HTR2B: variants seen among roughly 807,000 people sequenced by gnomAD.
HTR2B encodes the protein 5-HT 2B receptor.
HTR2B carries 31 observed loss-of-function variants against 39.8 expected under a neutral mutation model. The ratio of observed to expected loss-of-function variants is 0.78; its 90% CI spans 0.58 to 1.05. The LOEUF is 1.05. Among genes scored for constraint, HTR2B ranks in the 50% least tolerant of loss-of-function variants. The pLI is 0.00. For missense variants in HTR2B, 562 were observed against 578.0 expected (o/e 0.97, Z 0.28); for synonymous variants, 210 against 207.1 (o/e 1.01, Z -0.12).
chr2:231,113,256 A>C (rs1335736261), intron 3 of HTR2B, among the ~76,000 whole-genome samples: 1 of 152,228 alleles, frequency 6.6e-6, no homozygotes, highest in Non-Finnish European at 1.5e-5. Flanking sequence ...TTGGCTTCCA[A>C]GATGAATTTG....
chr2:231,123,884 G>A lies in HTR2B; in HGVS notation c.-120C>T. On this transcript the variant is annotated 5_prime_UTR_variant, in exon 2 of 4. Transcript: ENST00000258400. ...TGCCAAACACTCAAAAGCCAAAGTT[G>A]ACACCTTCCTTTAAAAAAAAAAATT... 1 of 790,050 alleles carries A rather than the reference G, an allele frequency of 1.3e-6. No individual in the cohort carries two copies. Among genetic ancestry groups the A allele is most frequent in the South Asian group, 1.4e-5 (1 of 70,914 alleles). 48.9% of individuals were successfully genotyped at this position (790,050 alleles called of 1,614,324 possible). A position where few individuals can be genotyped will look rare whatever the true frequency, so the allele number is the denominator to read the frequency against.
chr2:231,121,108 A>G (rs892150936), intron 2 of HTR2B, among the ~76,000 whole-genome samples: 2 of 152,236 alleles, frequency 1.3e-5, no homozygotes, highest in African/African-American at 4.8e-5. Context: ...AAATAATGCA[A>G]TAATGTATTA....
At position 231,108,846 on chromosome 2, in the gene HTR2B, A is replaced by G. The variant is rs1265707027; in HGVS notation, c.1117T>C (p.Ser373Pro). 2 of 1,614,184 alleles carry G rather than the reference A, an allele frequency of 1.2e-6. No individual in the cohort carries two copies. Among genetic ancestry groups the G allele is most frequent in the South Asian group, 2.2e-5 (2 of 91,082 alleles). ...GTGTAGACCAAAGGATTCACTCCTG[A>G]GGAAACATAGCCTATCCACACAAAT... ...EIFVWIGYVS[S>P]GVNPLVYTLF... is the part of the protein sequence containing the mutation. The change falls in exon 4 of 4, where the codon TCA becomes CCA. Residue 373 changes from serine to proline, a missense_variant. By Grantham distance (74) the Ser-to-Pro change is moderately conservative (BLOSUM62 -1). Coordinates refer to ENST00000258400, the MANE Select transcript of HTR2B (RefSeq NM_000867.5).
intron 2 of HTR2B, among the ~76,000 whole-genome samples, chr2:231,114,524 A>T (rs1158325191): frequency 6.6e-6 from 1 of 152,204 alleles, no homozygotes. Context: ...ATGGCTTCAG[A>T]TTATCCGGAA....
intron 3 of HTR2B, among the ~76,000 whole-genome samples, chr2:231,109,865 G>T (rs1488679058): frequency 1.3e-5 from 2 of 152,088 alleles, no homozygotes; most frequent in Non-Finnish European, 2.9e-5. Context: ...TGAGGTTACA[G>T]TTTCATTTAA....
At chr2:231,115,792 T>C (rs1695311129) in intron 2 of HTR2B, among the ~76,000 whole-genome samples, 1 of 152,152 alleles carries the variant, frequency 6.6e-6, no homozygotes, top group Non-Finnish European at 1.5e-5. Context: ...CAGAGTTTGC[T>C]CTTAAGATGG....
chr2:231,119,869 CA>C (rs78246469), intron 2 of HTR2B, among the ~76,000 whole-genome samples: 1,229 of 79,898 alleles, frequency 0.015, 10 homozygotes, highest in African/African-American at 0.043. Context: ...GACTCCGTCT[CA>C]AAAAAAAAAA....
At chr2:231,115,580 C>T (rs1695302334) in intron 2 of HTR2B, among the ~76,000 whole-genome samples, 1 of 151,928 alleles carries the variant, frequency 6.6e-6, no homozygotes, top group Non-Finnish European at 1.5e-5. Context: ...TAAACTTTGC[C>T]TGCTTGTTGA....
chr2:231,122,367 G>T (rs1462922986), intron 2 of HTR2B, among the ~76,000 whole-genome samples: 1 of 152,012 alleles, frequency 6.6e-6, no homozygotes, highest in Non-Finnish European at 1.5e-5. Context: ...AATAGCAGGG[G>T]TTTTTTACCT....
At chr2:231,122,722 G>A (rs193167610) in intron 2 of HTR2B, among the ~76,000 whole-genome samples, 4 of 151,690 alleles carry the variant, frequency 2.6e-5, no homozygotes, top group East Asian at 1.9e-4. Context: ...TTTTATTATC[G>A]CAATAACTAG....
rs147018289 is a variant in HTR2B, at chr2:231,110,832, C to G, written c.554-1423G>C. 8.5e-5 allele frequency among the ~76,000 whole-genome samples: 13 copies of G among 152,344 alleles called. No homozygotes were observed. The East Asian group carries it at 2.5e-3, about 29-fold the overall frequency. On this transcript the variant is annotated intron_variant, in intron 3 of 3. Coordinates refer to ENST00000258400, the MANE Select transcript of HTR2B (RefSeq NM_000867.5). ...ATTGTCTGTGGCTGCTTTTGTTCTA[C>G]TGCAGCAGAATGGAGGAGCTGTGAC...
intron 3 of HTR2B, among the ~76,000 whole-genome samples, chr2:231,111,449 C>T (rs1375765570): frequency 6.6e-6 from 1 of 152,134 alleles, no homozygotes; most frequent in Non-Finnish European, 1.5e-5. Context: ...CTTTCCTATC[C>T]AGCTTGTTGG....
intron 3 of HTR2B, among the ~76,000 whole-genome samples, chr2:231,109,963 CTTAAAA>C (rs1433601980): frequency 1.3e-5 from 2 of 152,166 alleles, no homozygotes; most frequent in Non-Finnish European, 2.9e-5. Context: ...AAAAGTGCTA[CTTAAAA>C]TTTGAGTGTG....
chr2:231,110,299 G>A (rs954192471), intron 3 of HTR2B, among the ~76,000 whole-genome samples: 9 of 152,078 alleles, frequency 5.9e-5, no homozygotes, highest in Non-Finnish European at 8.8e-5. Flanking sequence ...CACGCTCAGC[G>A]ACAAAGTAAG....
intron 2 of HTR2B, among the ~76,000 whole-genome samples, chr2:231,120,952 G>A (rs2125228292): frequency 6.6e-6 from 1 of 152,266 alleles, no homozygotes; most frequent in Admixed American, 6.5e-5. Context: ...ACTTGCAAAA[G>A]GTTATAAAAA....
In HTR2B at chr2:231,113,871, G is replaced by C. The variant is rs1340986001; in HGVS notation, c.411C>G (p.Leu137=). Residue 137 remains leucine (L), a synonymous_variant, in exon 3 of 4, where the codon CTC becomes CTG. Coordinates refer to ENST00000258400, the MANE Select transcript of HTR2B (RefSeq NM_000867.5). The part of the protein sequence containing the change: ...LCPAWLFLDV[L]FSTASIMHLC... Reference sequence around the variant, plus strand: ...GATGCATGATGGATGCGGTTGAAAAGAGAACGTCAAGAAATAACCAGGCAG... The same window carrying C: ...GATGCATGATGGATGCGGTTGAAAACAGAACGTCAAGAAATAACCAGGCAG... 1 of 1,614,160 alleles carries C rather than the reference G, an allele frequency of 6.2e-7. No individual in the cohort carries two copies. The highest frequency in any genetic ancestry group is 1.7e-5 in the Admixed American group (1 of 60,018).
chr2:231,113,667 C>G, intron 3 of HTR2B, 62 bp downstream of exon 3: 4 of 1,449,770 alleles, frequency 2.8e-6, no homozygotes, highest in Non-Finnish European at 3.9e-6. Flanking sequence ...ACCTGGTATT[C>G]TCCTAGCCAA....
chr2:231,110,319 C>CA (rs908257461), intron 3 of HTR2B, among the ~76,000 whole-genome samples: 7 of 151,084 alleles, frequency 4.6e-5, no homozygotes, highest in Admixed American at 2.0e-4. Context: ...GACTCTGTCT[C>CA]AAAAAAAAAG....
chr2:231,123,014 G>A lies in HTR2B; in HGVS notation c.352+399C>T, dbSNP rs76586701. Reference sequence around the variant, plus strand: ...GATTTAGTAATTCAAAGACCTTATCGTTAACCCAGCGCATATCTGTCCCGG... The same window carrying A: ...GATTTAGTAATTCAAAGACCTTATCATTAACCCAGCGCATATCTGTCCCGG... On this transcript the variant is annotated intron_variant, in intron 2 of 3. Transcript: ENST00000258400. Among the ~76,000 whole-genome samples the A allele has an allele frequency of 7.3e-3, 1,115 of 152,170 alleles. 15 individuals are homozygous for A. The highest frequency in any genetic ancestry group is 0.024 in the African/African-American group (982 of 41,508).
Sources: allele counts gnomAD v4.1 joint callset (sites outside exome capture counted in the v4.1 genomes callset), GRCh38; gene constraint gnomAD v4.1.1; transcripts MANE v1.5; gene names NCBI Gene and HGNC (gene_info 2026-07-23, HGNC 2026-07-21).